NDST4: variants seen among roughly 807,000 people sequenced by gnomAD.
The protein encoded by NDST4 is N-heparan sulfate sulfotransferase 4.
Under a neutral mutation model 100.8 loss-of-function variants are expected in NDST4, and 63 were observed. The observed-to-expected ratio is 0.62, with a 90% CI of 0.51 to 0.77. The LOEUF (loss-of-function observed/expected upper bound fraction) is 0.77, where lower values mean the gene tolerates loss of function less well. Among genes scored for constraint, NDST4 ranks in the 30% least tolerant of loss-of-function variants. The pLI is 0.00. For missense variants in NDST4, 943 were observed against 1,018.4 expected, an observed-to-expected ratio of 0.93 and a Z score of 1.01; for synonymous variants, 377 against 361.8, an observed-to-expected ratio of 1.04 and a Z score of -0.48.
chr4:115,106,594 A>G (rs1027903130), intron 1 of NDST4, among the ~76,000 whole-genome samples: 3 of 152,140 alleles, frequency 2.0e-5, no homozygotes, highest in African/African-American at 7.2e-5. Context: ...TAATTGTTAT[A>G]CTGTATTATT....
At chr4:115,107,204 CTG>C (rs1201712357) in intron 1 of NDST4, among the ~76,000 whole-genome samples, 5 of 151,938 alleles carry the variant, frequency 3.3e-5, no homozygotes, top group African/African-American at 1.2e-4. Context: ...GAATTTCAGT[CTG>C]TGAGAAAAAA....
At chr4:115,031,245 ATTG>A (rs961196528) in intron 2 of NDST4, among the ~76,000 whole-genome samples, 41 of 152,044 alleles carry the variant, frequency 2.7e-4, no homozygotes, top group African/African-American at 8.2e-4. Flanking sequence ...TGTTGTTGTC[ATTG>A]TTGTTTTTAA....
intron 2 of NDST4, among the ~76,000 whole-genome samples, chr4:115,044,849 A>G (rs1429310921): frequency 6.6e-6 from 1 of 151,776 alleles, no homozygotes; most frequent in African/African-American, 2.4e-5. Flanking sequence ...ACATGAAAAG[A>G]TGTTTAAACC....
chr4:114,967,651 T>A (rs1726412787), intron 4 of NDST4, among the ~76,000 whole-genome samples: 1 of 152,184 alleles, frequency 6.6e-6, no homozygotes, highest in South Asian at 2.1e-4. Context: ...GAATTTAGCA[T>A]GCTTACTCAA....
Position 115,032,690 on chromosome 4 carries a change from T to A in NDST4, c.978+43369A>T, listed in dbSNP as rs538072187. Among the ~76,000 whole-genome samples the A allele has an allele frequency of 6.4e-4, 98 of 152,262 alleles. 1 individual carries two copies. Among genetic ancestry groups the A allele is most frequent in the African/African-American group, 2.3e-3 (94 of 41,570 alleles). On this transcript the variant is annotated intron_variant, in intron 2 of 13. Transcript: ENST00000264363. ...CCTCAGTTGTATTACATATTATCTA[T>A]CACAGTCACATTTATTACTGTCTTC...
intron 2 of NDST4, among the ~76,000 whole-genome samples, chr4:114,983,850 G>A (rs1726836824): frequency 6.6e-6 from 1 of 152,086 alleles, no homozygotes; most frequent in Non-Finnish European, 1.5e-5. Context: ...GAAGGAGATT[G>A]GATCATGAGG....
chr4:115,094,287 C>A (rs1729577362), intron 1 of NDST4, among the ~76,000 whole-genome samples: 1 of 151,972 alleles, frequency 6.6e-6, no homozygotes, highest in Admixed American at 6.6e-5. Context: ...CAGAAAGAAA[C>A]CTCCAGTCAC....
intron 2 of NDST4, among the ~76,000 whole-genome samples, chr4:115,066,821 G>C (rs1728956223): frequency 6.6e-6 from 1 of 152,148 alleles, no homozygotes; most frequent in African/African-American, 2.4e-5. Flanking sequence ...TCATTTCAGG[G>C]AAGTATTGCT....
intron 6 of NDST4, among the ~76,000 whole-genome samples, chr4:114,886,955 T>G (rs1378500308): frequency 6.6e-6 from 1 of 152,110 alleles, no homozygotes; most frequent in Non-Finnish European, 1.5e-5. Context: ...TAAGACAGAG[T>G]TATGCCATTT....
chr4:115,112,217 C>A (rs1487322581), intron 1 of NDST4, among the ~76,000 whole-genome samples: 2 of 150,574 alleles, frequency 1.3e-5, no homozygotes, highest in Non-Finnish European at 1.5e-5. Flanking sequence ...AAAAAAAAAC[C>A]TTTACATCGT....
At chr4:114,864,966 T>G (rs746270984) in intron 7 of NDST4, among the ~76,000 whole-genome samples, 46 of 152,218 alleles carry the variant, frequency 3.0e-4, no homozygotes, top group Non-Finnish European at 6.3e-4. Context: ...CATGTTTATT[T>G]AAGTAAGTTA....
At chr4:115,090,733 T>C (rs1271054559) in intron 1 of NDST4, among the ~76,000 whole-genome samples, 2 of 152,082 alleles carry the variant, frequency 1.3e-5, no homozygotes, top group Admixed American at 1.3e-4. Context: ...ACAGCACCTG[T>C]TCTCCATTGA....
intron 2 of NDST4, among the ~76,000 whole-genome samples, chr4:115,036,708 C>T (rs959131330): frequency 6.6e-6 from 1 of 151,888 alleles, no homozygotes; most frequent in African/African-American, 2.4e-5. Context: ...TAAAGGCATA[C>T]TTTAATGGTA....
At chr4:114,966,007 AAGATCTATGAGTTATTG>A (rs1417937362) in intron 4 of NDST4, among the ~76,000 whole-genome samples, 1 of 152,014 alleles carries the variant, frequency 6.6e-6, no homozygotes, top group Non-Finnish European at 1.5e-5. Context: ...AATAGCAGCA[AAGATCTATGAGTTATTG>A]AAGGAAAAAG....
At chr4:114,894,460 T>C (rs938424515) in intron 6 of NDST4, among the ~76,000 whole-genome samples, 1 of 152,144 alleles carries the variant, frequency 6.6e-6, no homozygotes, top group Non-Finnish European at 1.5e-5. Context: ...ATTACATCTC[T>C]TGTTAGCTGT....
chr4:115,080,824 T>C (rs552845530), intron 1 of NDST4, among the ~76,000 whole-genome samples: 59 of 152,086 alleles, frequency 3.9e-4, no homozygotes, highest in African/African-American at 1.4e-3. Context: ...TAAACAAATG[T>C]AAAATCAGAC....
In NDST4 at chr4:115,091,727, A is replaced by C. The variant is rs75898073; in HGVS notation, c.-246-14445T>G. Reference sequence around the variant, plus strand: ...TAGCTAATTTGAAAGATAACGTATCATTAGGAGGTTGTGCTTGCAATGAAG... The same window carrying C: ...TAGCTAATTTGAAAGATAACGTATCCTTAGGAGGTTGTGCTTGCAATGAAG... On this transcript the variant is annotated intron_variant, in intron 1 of 13. Coordinates refer to ENST00000264363, the MANE Select transcript of NDST4 (RefSeq NM_022569.3). Among the ~76,000 whole-genome samples the C allele has an allele frequency of 3.7e-3, 570 of 152,298 alleles. 4 individuals carry two copies. Among genetic ancestry groups the C allele is most frequent in the South Asian group, 4.8e-3 (23 of 4,830 alleles).
intron 6 of NDST4, 122 bp downstream of exon 6, chr4:114,935,084 G>C (rs1418213533): frequency 5.4e-6 from 4 of 741,438 alleles, no homozygotes; most frequent in Non-Finnish European, 7.5e-6. Flanking sequence ...AGATTTAAAT[G>C]CATGACCAGT....
chr4:115,073,630 A>G (rs1253664144), intron 2 of NDST4, among the ~76,000 whole-genome samples: 1 of 152,036 alleles, frequency 6.6e-6, no homozygotes, highest in Non-Finnish European at 1.5e-5. Flanking sequence ...AGAAGCAGAG[A>G]GTAAAATGGT....
Sources: allele counts gnomAD v4.1 joint callset (sites outside exome capture counted in the v4.1 genomes callset), GRCh38; gene constraint gnomAD v4.1.1; transcripts MANE v1.5; gene names NCBI Gene and HGNC (gene_info 2026-07-23, HGNC 2026-07-21).